Variants in TMEM132D observed in about 807,000 individuals in gnomAD.
The protein encoded by TMEM132D is mature OL transmembrane protein.
TMEM132D carries 21 observed loss-of-function variants against 62.3 expected under a neutral mutation model. The observed-to-expected ratio is 0.34, with a 90% confidence interval of 0.24 to 0.49. The LOEUF is 0.49. TMEM132D is among the 20% of genes least tolerant of loss of function. The pLI, the probability that TMEM132D is intolerant of heterozygous loss-of-function variation, is 0.99. For missense variants in TMEM132D, 1,346 were observed against 1,402.8 expected, an observed-to-expected ratio of 0.96 and a Z score of 0.65; for synonymous variants, 621 against 575.6, an observed-to-expected ratio of 1.08 and a Z score of -1.13.
At chr12:129,861,885 GC>G (rs1415813124) in intron 1 of TMEM132D, among the ~76,000 whole-genome samples, 1 of 151,774 alleles carries the variant, frequency 6.6e-6, no homozygotes, top group Admixed American at 6.6e-5. Context: ...GTCCTTTCAG[GC>G]TTTTGCATTT....
chr12:129,183,642 C>T lies in TMEM132D; in HGVS notation c.1443+25878G>A, dbSNP rs971845158. 2.6e-5 allele frequency among the ~76,000 whole-genome samples: 4 copies of T among 152,226 alleles called. 1 individual carries two copies. Among genetic ancestry groups the T allele is most frequent in the Non-Finnish European group, 4.4e-5 (3 of 68,038 alleles). ...GCTACCTAAAAGATGAGAGGTTTTG[C>T]CTGAAAGTCTGCATTTCTGTTTTCT... is the stretch of plus-strand genomic sequence containing the variant. On this transcript the variant is annotated intron_variant, in intron 5 of 8. Coordinates refer to ENST00000422113, the MANE Select transcript of TMEM132D (RefSeq NM_133448.3).
chr12:129,419,496 A>G (rs1872232422), intron 3 of TMEM132D, among the ~76,000 whole-genome samples: 1 of 151,512 alleles, frequency 6.6e-6, no homozygotes, highest in South Asian at 2.1e-4. Context: ...ACTTTAGCAG[A>G]AGGAGGATGG....
Position 129,770,146 on chromosome 12 carries a change from T to TTTG in TMEM132D, c.80-69449_80-69448insCAA, listed in dbSNP as rs1555230644. ...TTCTTTGTGGGTTTTTTTGGTTGTTTTTTTTTTTTTTTTTTGAGATCAGAT... is the reference window on the plus strand; with the variant it reads ...TTCTTTGTGGGTTTTTTTGGTTGTTTTTGTTTTTTTTTTTTTTTGAGATCAGAT... On this transcript the variant is annotated intron_variant, in intron 1 of 8. Transcript: ENST00000422113. Among the ~76,000 whole-genome samples, 47 of 139,608 alleles carry TTTG rather than the reference T, an allele frequency of 3.4e-4. 4 individuals are homozygous for TTTG. Among genetic ancestry groups the TTTG allele is most frequent in the South Asian group, 2.9e-3 (12 of 4,152 alleles). The allele number at this position is 139,608 out of a possible 152,430, so 91.6% of individuals were successfully genotyped here.
intron 2 of TMEM132D, among the ~76,000 whole-genome samples, chr12:129,574,684 G>A (rs1877609353): frequency 6.6e-6 from 1 of 151,750 alleles, no homozygotes; most frequent in African/African-American, 2.4e-5. Flanking sequence ...TAAGCCGTCA[G>A]CATCCACAGC....
In TMEM132D at chr12:129,548,291, C is replaced by T. The variant is rs563103224; in HGVS notation, c.969-17086G>A. On this transcript the variant is annotated intron_variant, in intron 2 of 8. Transcript: ENST00000422113. The stretch of plus-strand genomic sequence containing the variant: ...TGGAGGCAGTCCGCAGCACTCTTCT[C>T]CCTTCTCTCTTTCCACAGTCCCTCA... Among the ~76,000 whole-genome samples, 7 of 152,330 alleles carry T rather than the reference C, an allele frequency of 4.6e-5. No homozygotes were observed. The East Asian group carries it at 1.4e-3, about 29-fold the overall frequency.
rs1367626713 is a variant in TMEM132D, at chr12:129,654,971, G to A, written c.968+44839C>T. ...TTCTTTTTTTTTTCCTTTTTGAGAC[G>A]GAGTCTTGCTCTGTCGCCCAGGCTG... On this transcript the variant is annotated intron_variant, in intron 2 of 8. Transcript: ENST00000422113. Among the ~76,000 whole-genome samples, 5 of 151,110 alleles carry A rather than the reference G, an allele frequency of 3.3e-5. No homozygotes were observed. In the East Asian group the frequency reaches 5.8e-4, roughly 18 times the overall value.
At chr12:129,077,626 A>T (rs1210467441) in intron 8 of TMEM132D, among the ~76,000 whole-genome samples, 1 of 152,012 alleles carries the variant, frequency 6.6e-6, no homozygotes, top group African/African-American at 2.4e-5. Context: ...CACAACAGAA[A>T]ATACACAAGA....
chr12:129,784,198 G>A (rs753791651), intron 1 of TMEM132D, among the ~76,000 whole-genome samples: 14 of 152,286 alleles, frequency 9.2e-5, no homozygotes, highest in South Asian at 6.2e-4. Flanking sequence ...GTGAGACCAC[G>A]AGCTGGCATT....
intron 2 of TMEM132D, 125 bp downstream of exon 2, chr12:129,699,685 T>C (rs1036183855): frequency 8.2e-7 from 1 of 1,225,882 alleles, no homozygotes; most frequent in African/African-American, 1.5e-5. Flanking sequence ...CAGATGGAGT[T>C]TGTAAGAACG....
intron 1 of TMEM132D, among the ~76,000 whole-genome samples, chr12:129,728,602 T>C (rs917473492): frequency 6.6e-6 from 1 of 152,240 alleles, no homozygotes; most frequent in African/African-American, 2.4e-5. Context: ...TCTTTTAATT[T>C]TGGGAGTAAA....
chr12:129,330,916 C>T (rs530049543), intron 4 of TMEM132D, among the ~76,000 whole-genome samples: 61 of 152,298 alleles, frequency 4.0e-4, no homozygotes, highest in African/African-American at 1.3e-3. Flanking sequence ...TCCTCCCAAG[C>T]TTCTTGGGTA....
At chr12:129,743,917 C>A (rs1426261581) in intron 1 of TMEM132D, among the ~76,000 whole-genome samples, 1 of 152,210 alleles carries the variant, frequency 6.6e-6, no homozygotes, top group African/African-American at 2.4e-5. Flanking sequence ...TCTGCCTATA[C>A]TTCCACTTTA....
intron 2 of TMEM132D, among the ~76,000 whole-genome samples, chr12:129,599,812 A>G (rs764254678): frequency 1.3e-5 from 2 of 152,232 alleles, no homozygotes; most frequent in Non-Finnish European, 2.9e-5. Flanking sequence ...AAAACTATGT[A>G]CATGCTTCAA....
chr12:129,656,973 C>G (rs1023875304), intron 2 of TMEM132D, among the ~76,000 whole-genome samples: 1 of 152,286 alleles, frequency 6.6e-6, no homozygotes, highest in Non-Finnish European at 1.5e-5. Context: ...AAATCTATCT[C>G]TTTTTGAAGG....
intron 2 of TMEM132D, among the ~76,000 whole-genome samples, chr12:129,620,393 G>A (rs1879033374): frequency 6.6e-6 from 1 of 152,206 alleles, no homozygotes; most frequent in Non-Finnish European, 1.5e-5. Context: ...GATCCCAGGA[G>A]TTCGAGGCCA....
intron 3 of TMEM132D, among the ~76,000 whole-genome samples, chr12:129,468,816 C>G (rs1874004506): frequency 6.6e-6 from 1 of 152,116 alleles, no homozygotes; most frequent in Non-Finnish European, 1.5e-5. Context: ...GGTGTTGGTG[C>G]CTTTTATTTT....
At chr12:129,677,813 A>G (rs1880669064) in intron 2 of TMEM132D, among the ~76,000 whole-genome samples, 1 of 144,476 alleles carries the variant, frequency 6.9e-6, no homozygotes, top group Non-Finnish European at 1.5e-5. Context: ...CCTGTCCTAA[A>G]TTTTCTAGTG....
intron 7 of TMEM132D, 70 bp downstream of exon 7, chr12:129,081,689 C>A (rs951485383): frequency 5.3e-6 from 8 of 1,502,596 alleles, no homozygotes; most frequent in Non-Finnish European, 7.1e-6. Context: ...CAGCTGGTTT[C>A]TCCTCTAGGT....
chr12:129,718,538 A>G (rs1868680058), intron 1 of TMEM132D, among the ~76,000 whole-genome samples: 1 of 152,192 alleles, frequency 6.6e-6, no homozygotes, highest in African/African-American at 2.4e-5. Context: ...TCTTTTTGGA[A>G]ATTGGTTTAC....
Sources: allele counts gnomAD v4.1 joint callset (sites outside exome capture counted in the v4.1 genomes callset), GRCh38; gene constraint gnomAD v4.1.1; transcripts MANE v1.5; gene names NCBI Gene and HGNC (gene_info 2026-07-23, HGNC 2026-07-21).